TEX9: variants seen among roughly 807,000 people sequenced by gnomAD.
The protein encoded by TEX9 is testis expressed 9.
TEX9 carries 74 observed loss-of-function variants against 59.6 expected under a neutral mutation model. The ratio of observed to expected loss-of-function variants is 1.24; its 90% CI spans 1.03 to 1.51. TEX9 has a LOEUF of 1.51. Ranked by LOEUF, TEX9 falls within the 40% of genes most tolerant of loss-of-function variation. The probability of loss-of-function intolerance (pLI) is 0.00; values close to 1 mark genes in which losing one functional copy is unlikely to be tolerated. For missense variants in TEX9, 522 were observed against 447.8 expected (o/e 1.17, Z -1.49); for synonymous variants, 186 against 152.2 (o/e 1.22, Z -1.64).
chr15:56,401,858 GAAC>G (rs1448599975), intron 9 of TEX9, among the ~76,000 whole-genome samples: 3 of 152,270 alleles, frequency 2.0e-5, no homozygotes, highest in Admixed American at 2.0e-4. Context: ...CATGGAAACA[GAAC>G]AACCTGCTCC....
At chr15:56,302,161 T>G (rs1013021208) in intron 1 of TEX9, among the ~76,000 whole-genome samples, 1 of 152,120 alleles carries the variant, frequency 6.6e-6, no homozygotes, top group African/African-American at 2.4e-5. Flanking sequence ...TATAAGATGT[T>G]ATTTCCAAGC....
At chr15:56,371,725 C>T (rs2047199929) in intron 2 of TEX9, among the ~76,000 whole-genome samples, 1 of 152,092 alleles carries the variant, frequency 6.6e-6, no homozygotes, top group Non-Finnish European at 1.5e-5. Flanking sequence ...TTGATTGATT[C>T]CACGTCAGCT....
chr15:56,399,760 C>T (rs924232146), intron 9 of TEX9, among the ~76,000 whole-genome samples: 10 of 152,282 alleles, frequency 6.6e-5, no homozygotes, highest in Admixed American at 2.0e-4. Context: ...ACGAAGCTCC[C>T]GGAGGAAGCA....
chr15:56,277,984 A>C (rs2682066), intron 1 of TEX9, among the ~76,000 whole-genome samples: 152,116 of 152,216 alleles, frequency 1, 76,008 homozygotes, highest in Non-Finnish European at 1. Flanking sequence ...TTCCCTTTTT[A>C]TTTCTTTGGT....
chr15:56,295,692 T>C (rs1253359105), intron 1 of TEX9, among the ~76,000 whole-genome samples: 1 of 152,212 alleles, frequency 6.6e-6, no homozygotes, highest in Non-Finnish European at 1.5e-5. Flanking sequence ...TTTTACTACT[T>C]TGTATGCCTA....
chr15:56,250,249 T>A (rs559798523), intron 1 of TEX9, among the ~76,000 whole-genome samples: 1 of 152,290 alleles, frequency 6.6e-6, no homozygotes, highest in East Asian at 1.9e-4. Context: ...TATATAAGAT[T>A]AAAAACCAGT....
chr15:56,304,884 G>A (rs926105644), intron 1 of TEX9, among the ~76,000 whole-genome samples: 6 of 152,024 alleles, frequency 3.9e-5, no homozygotes, highest in Non-Finnish European at 8.8e-5. Flanking sequence ...CACCATGCCC[G>A]GTTAATTTTT....
intron 1 of TEX9, among the ~76,000 whole-genome samples, chr15:56,310,138 C>T (rs1274057480): frequency 1.5e-4 from 23 of 152,256 alleles, no homozygotes; most frequent in African/African-American, 5.1e-4. Flanking sequence ...CTTAGAAATT[C>T]AGTGTTAGTG....
intron 1 of TEX9, among the ~76,000 whole-genome samples, chr15:56,252,672 A>G (rs1281902042): frequency 1.1e-4 from 16 of 151,968 alleles, no homozygotes; most frequent in African/African-American, 3.6e-4. Flanking sequence ...TGTAACCTCT[A>G]GTTTCTTATC....
the TEX9 span, among the ~76,000 whole-genome samples, chr15:56,459,863 G>A: frequency 6.7e-6 from 1 of 150,112 alleles, no homozygotes; most frequent in African/African-American, 2.5e-5. Flanking sequence ...GGTGGTGCAT[G>A]CCTATAATCC....
At chr15:56,371,197 G>A (rs943717558) in intron 2 of TEX9, among the ~76,000 whole-genome samples, 4 of 152,122 alleles carry the variant, frequency 2.6e-5, no homozygotes, top group Admixed American at 2.6e-4. Flanking sequence ...CATAACATCT[G>A]TCTTCAATGG....
At chr15:56,446,840 C>G (rs757082403), downstream of TEX9, 1 of 1,591,834 alleles carries the variant, frequency 6.3e-7, no homozygotes, top group Admixed American at 1.7e-5. Context: ...AACATGATTA[C>G]CATTTGTTCA....
intron 1 of TEX9, among the ~76,000 whole-genome samples, chr15:56,254,765 A>G (rs2044105057): frequency 6.6e-6 from 1 of 150,824 alleles, no homozygotes; most frequent in Non-Finnish European, 1.5e-5. Flanking sequence ...AATTTTAAGA[A>G]AATATAATTA....
intron 1 of TEX9, among the ~76,000 whole-genome samples, chr15:56,293,136 G>A (rs2045135231): frequency 6.6e-6 from 1 of 151,990 alleles, no homozygotes; most frequent in Non-Finnish European, 1.5e-5. Context: ...GGAGTTTGAA[G>A]CCAGTGTGGC....
chr15:56,417,847 C>T (rs1303931689), intron 10 of TEX9, among the ~76,000 whole-genome samples: 1 of 151,722 alleles, frequency 6.6e-6, no homozygotes, highest in African/African-American at 2.4e-5. Context: ...AAGAACTTGC[C>T]TTATGAATCT....
intron 1 of TEX9, among the ~76,000 whole-genome samples, chr15:56,260,698 T>C (rs1231173987): frequency 3.9e-5 from 6 of 152,048 alleles, no homozygotes; most frequent in Non-Finnish European, 1.5e-5. Context: ...TATTAGCTTG[T>C]AACTTTCTTG....
chr15:56,429,603 C>G (rs1197910528), intron 12 of TEX9: 1 of 153,124 alleles, frequency 6.5e-6, no homozygotes. Context: ...AGTTCTATGG[C>G]TAATCAGCAA....
intron 3 of TEX9, among the ~76,000 whole-genome samples, chr15:56,378,338 A>G (rs555688476): frequency 2.6e-5 from 4 of 152,186 alleles, no homozygotes; most frequent in South Asian, 4.1e-4. Context: ...CAGTGCAGCC[A>G]TCAGGTCCTG....
At position 56,380,987 on chromosome 15, in the gene TEX9, T is replaced by C. The variant is rs141466290; in HGVS notation, c.184-2965T>C. On this transcript the variant is annotated intron_variant, in intron 3 of 12. Coordinates refer to ENST00000352903, the Ensembl canonical transcript of TEX9. ...TCTCAAGGTTTGGGAAGTTCTCTGA[T>C]ATTATCCCTTCGAATAAACTTTCTA... Among the ~76,000 whole-genome samples, 274 of 152,324 alleles carry C rather than the reference T, an allele frequency of 1.8e-3. 1 individual carries two copies. The highest frequency in any genetic ancestry group is 6.3e-3 in the African/African-American group (264 of 41,592).
Sources: gnomAD v4.1 joint callset for allele counts (sites outside exome capture counted in the v4.1 genomes callset) on GRCh38, gnomAD v4.1.1 for gene constraint, MANE v1.5 for transcripts, NCBI Gene and HGNC (gene_info 2026-07-23, HGNC 2026-07-21) for gene names.